ZRANB3: variants seen among roughly 807,000 people sequenced by gnomAD.
ZRANB3 encodes the protein zinc finger RANBP2-type containing 3, also known as DNA annealing helicase and endonuclease ZRANB3.
A neutral mutation model predicts 133.8 loss-of-function variants in ZRANB3; 125 were observed. The ratio of observed to expected loss-of-function variants is 0.93; its 90% confidence interval spans 0.81 to 1.08. The LOEUF is 1.08. ZRANB3 is among the 50% of genes least tolerant of loss of function. The probability of loss-of-function intolerance (pLI) is 0.00; values close to 1 mark genes in which losing one functional copy is unlikely to be tolerated. For missense variants in ZRANB3, 1,229 were observed against 1,275.5 expected, an observed-to-expected ratio of 0.96 and a Z score of 0.56; for synonymous variants, 387 against 432.7, an observed-to-expected ratio of 0.89 and a Z score of 1.31.
At chr2:135,276,041 T>A (rs938934033) in intron 8 of ZRANB3, among the ~76,000 whole-genome samples, 2 of 152,082 alleles carry the variant, frequency 1.3e-5, no homozygotes, top group South Asian at 4.1e-4. Context: ...GGTAGTCAAG[T>A]AGGCTATGGC....
At chr2:135,503,297 T>C (rs1693028321) in intron 2 of ZRANB3, among the ~76,000 whole-genome samples, 1 of 152,208 alleles carries the variant, frequency 6.6e-6, no homozygotes, top group South Asian at 2.1e-4. Context: ...AAGGGACTGA[T>C]GGGACAGAAG....
At chr2:135,351,391 C>T (rs1180142940) in intron 4 of ZRANB3, among the ~76,000 whole-genome samples, 1 of 151,700 alleles carries the variant, frequency 6.6e-6, no homozygotes, top group Admixed American at 6.6e-5. Flanking sequence ...TCTCAGCCTC[C>T]CGAGTAGCTG....
chr2:135,265,613 C>T lies in ZRANB3; in HGVS notation c.1460G>A (p.Trp487Ter). Residue 487 changes from tryptophan (W) to a stop codon, truncating the protein, a stop_gained, in exon 12 of 21, where the codon TGG becomes TAG. Coordinates refer to ENST00000264159, the MANE Select transcript of ZRANB3 (RefSeq NM_032143.4). LOFTEE classifies it high-confidence loss of function. ...IQAEEGDKEK[W>*]DFLQFAEAWT... ...AGCTTCAGCAAACTGCAGGAAATCC[C>T]ATTTTTCCTTATCACCTTCCTCAGC... 4.3e-6 allele frequency: 7 copies of T among 1,613,598 alleles called. No individual in the cohort carries two copies. Among genetic ancestry groups the T allele is most frequent in the Middle Eastern group, 1.6e-4 (1 of 6,062 alleles).
intron 2 of ZRANB3, among the ~76,000 whole-genome samples, chr2:135,461,712 T>C (rs2105016716): frequency 6.6e-6 from 1 of 152,318 alleles, no homozygotes; most frequent in East Asian, 1.9e-4. Flanking sequence ...TAGACAGCTC[T>C]ACGTAGCATC....
At chr2:135,314,540 T>C (rs145790075) in intron 7 of ZRANB3, among the ~76,000 whole-genome samples, 2 of 152,282 alleles carry the variant, frequency 1.3e-5, no homozygotes, top group East Asian at 3.9e-4. Flanking sequence ...AAAGTAAACA[T>C]GGATGAGGAT....
At chr2:135,255,704 C>T (rs1679617276) in intron 12 of ZRANB3, among the ~76,000 whole-genome samples, 1 of 151,874 alleles carries the variant, frequency 6.6e-6, no homozygotes, top group African/African-American at 2.4e-5. Flanking sequence ...AAAAAATTAA[C>T]CTGGCATGGT....
In ZRANB3 at chr2:135,274,931, C is replaced by T. The variant is rs543143938; in HGVS notation, c.1086+705G>A. 8.7e-4 allele frequency among the ~76,000 whole-genome samples: 133 copies of T among 152,240 alleles called. 1 individual carries two copies. Among genetic ancestry groups the T allele is most frequent in the Admixed American group, 1.6e-3 (25 of 15,290 alleles). Reference sequence around the variant, plus strand: ...GACACAGCACATGTTTCAGAGAGCACGGGGTTGGGGGTAAGGTTATAGATT... The same window carrying T: ...GACACAGCACATGTTTCAGAGAGCATGGGGTTGGGGGTAAGGTTATAGATT... On this transcript the variant is annotated intron_variant, in intron 9 of 20. Coordinates refer to ENST00000264159, the MANE Select transcript of ZRANB3 (RefSeq NM_032143.4).
chr2:135,389,009 C>T (rs1279740237), intron 3 of ZRANB3, among the ~76,000 whole-genome samples: 2 of 152,040 alleles, frequency 1.3e-5, no homozygotes, highest in Non-Finnish European at 2.9e-5. Context: ...ACCTGGGAGG[C>T]GAACCTTGCA....
intron 2 of ZRANB3, among the ~76,000 whole-genome samples, chr2:135,431,217 A>G (rs1689307591): frequency 6.6e-6 from 1 of 151,750 alleles, no homozygotes; most frequent in Non-Finnish European, 1.5e-5. Context: ...ACTTGAGCTC[A>G]GAGAGTCGAG....
At chr2:135,474,004 G>A (rs2104783593) in intron 2 of ZRANB3, among the ~76,000 whole-genome samples, 1 of 152,184 alleles carries the variant, frequency 6.6e-6, no homozygotes, top group South Asian at 2.1e-4. Context: ...GTGCAACACA[G>A]TGAAACCCTG....
chr2:135,515,519 T>G lies in ZRANB3; in HGVS notation c.-7-11023A>C, dbSNP rs953292333. Among the ~76,000 whole-genome samples, 4 of 152,366 alleles carry G rather than the reference T, an allele frequency of 2.6e-5. No individual in the cohort carries two copies. In the South Asian group the frequency reaches 8.3e-4, roughly 32 times the overall value. On this transcript the variant is annotated intron_variant, in intron 1 of 20. Coordinates refer to ENST00000264159, the MANE Select transcript of ZRANB3 (RefSeq NM_032143.4). ...CATTGGTTTCAAAGAATTTATTTAC[T>G]TCCGCCTTCATTTCGTTATTTACCC...
chr2:135,423,358 C>A (rs1688941969), intron 2 of ZRANB3, among the ~76,000 whole-genome samples: 2 of 152,094 alleles, frequency 1.3e-5, no homozygotes, highest in South Asian at 2.1e-4. Flanking sequence ...TGCTTGAACC[C>A]AGGCGGAGGT....
At chr2:135,331,255 C>G (rs181771135) in intron 6 of ZRANB3, among the ~76,000 whole-genome samples, 2 of 152,048 alleles carry the variant, frequency 1.3e-5, no homozygotes, top group Non-Finnish European at 2.9e-5. Flanking sequence ...GATTCTGGTA[C>G]GTTGTGCCTT....
intron 8 of ZRANB3, among the ~76,000 whole-genome samples, chr2:135,284,468 TTTTG>T (rs769669690): frequency 2.6e-5 from 4 of 152,164 alleles, no homozygotes; most frequent in Admixed American, 6.5e-5. Context: ...TCCTTGTTTG[TTTTG>T]TTTGTTTGTT....
At chr2:135,359,831 A>C (rs1172301685) in intron 3 of ZRANB3, among the ~76,000 whole-genome samples, 1 of 152,174 alleles carries the variant, frequency 6.6e-6, no homozygotes. Context: ...TGATTCTCAG[A>C]AATTAGAAAG....
At chr2:135,326,324 T>C (rs1466905111) in intron 6 of ZRANB3, among the ~76,000 whole-genome samples, 1 of 152,146 alleles carries the variant, frequency 6.6e-6, no homozygotes, top group East Asian at 1.9e-4. Context: ...TAGTGGTGAT[T>C]TGTGAAATTT....
chr2:135,360,501 C>G (rs746728890), intron 3 of ZRANB3, among the ~76,000 whole-genome samples: 7 of 152,050 alleles, frequency 4.6e-5, no homozygotes, highest in Admixed American at 1.3e-4. Flanking sequence ...GTCAGGAGAT[C>G]GAGACCATCC....
At chr2:135,381,847 C>T (rs1686715806) in intron 3 of ZRANB3, among the ~76,000 whole-genome samples, 1 of 152,154 alleles carries the variant, frequency 6.6e-6, no homozygotes, top group Admixed American at 6.5e-5. Flanking sequence ...ATCTACATGG[C>T]ACCATCATCA....
At chr2:135,336,739 T>C (rs984347189) in intron 6 of ZRANB3, among the ~76,000 whole-genome samples, 1 of 152,202 alleles carries the variant, frequency 6.6e-6, no homozygotes, top group Non-Finnish European at 1.5e-5. Context: ...ATACTCTCTC[T>C]TTCTGTTGTC....
Sources: gnomAD v4.1 joint callset for allele counts (sites outside exome capture counted in the v4.1 genomes callset) on GRCh38, gnomAD v4.1.1 for gene constraint, MANE v1.5 for transcripts, NCBI Gene and HGNC (gene_info 2026-07-23, HGNC 2026-07-21) for gene names.